Variants in CYP4X1 observed in about 807,000 individuals in gnomAD.
CYP4X1 encodes cytochrome P450 4X1.
A neutral mutation model predicts 57.9 loss-of-function variants in CYP4X1; 44 were observed. The ratio of observed to expected loss-of-function variants is 0.76; its 90% CI spans 0.60 to 0.98. The LOEUF (loss-of-function observed/expected upper bound fraction) is 0.98, where lower values mean the gene tolerates loss of function less well. CYP4X1 is among the 50% of genes least tolerant of loss of function. CYP4X1 has a pLI of 0.00. For missense variants in CYP4X1, 532 were observed against 623.9 expected (o/e 0.85, Z 1.57); for synonymous variants, 227 against 228.6 (o/e 0.99, Z 0.06).
chr1:46,996,133 A>T, the CYP4X1 span, among the ~76,000 whole-genome samples: 2 of 152,210 alleles, frequency 1.3e-5, no homozygotes, highest in Non-Finnish European at 2.9e-5. Context: ...TTCTATCACA[A>T]CAACTCTACG....
chr1:46,966,201 G>T, the CYP4X1 span, among the ~76,000 whole-genome samples: 1 of 152,212 alleles, frequency 6.6e-6, no homozygotes, highest in Non-Finnish European at 1.5e-5. Context: ...CCTGTGAGAT[G>T]CCATGGAAAT....
At chr1:47,019,187 G>A (rs1643971808), upstream of CYP4X1, among the ~76,000 whole-genome samples, 1 of 152,184 alleles carries the variant, frequency 6.6e-6, no homozygotes, top group African/African-American at 2.4e-5. Context: ...GCTGAGTCCT[G>A]AAGACCTTCC....
At chr1:46,969,934 AG>A in the CYP4X1 span, among the ~76,000 whole-genome samples, 2 of 152,240 alleles carry the variant, frequency 1.3e-5, no homozygotes, top group Non-Finnish European at 2.9e-5. Flanking sequence ...TTGTTGGGCA[AG>A]ATAACCAAGT....
chr1:47,011,708 A>G, the CYP4X1 span, among the ~76,000 whole-genome samples: 1 of 152,258 alleles, frequency 6.6e-6, no homozygotes, highest in Non-Finnish European at 1.5e-5. Context: ...AAATAAATTT[A>G]CAAGAAAAAA....
the CYP4X1 span, among the ~76,000 whole-genome samples, chr1:46,979,739 G>A: frequency 6.6e-6 from 1 of 152,210 alleles, no homozygotes; most frequent in Admixed American, 6.5e-5. Flanking sequence ...TAATATACTG[G>A]CAAACCGAAT....
chr1:47,038,553 G>C (rs1208855406), intron 6 of CYP4X1, 107 bp from the exon 7 acceptor site: 15 of 708,242 alleles, frequency 2.1e-5, no homozygotes, highest in South Asian at 7.7e-5. Context: ...CTATTTAAAC[G>C]TCTGGAAATC....
At position 47,024,000 on chromosome 1, in the gene CYP4X1, T is replaced by TGGGAGGGAGGAGGGA. The variant is rs1031154053; in HGVS notation, c.177+9_177+23dup. On this transcript the variant is annotated splice_region_variant and intron_variant, in intron 1 of 11. Coordinates refer to ENST00000371901, the MANE Select transcript of CYP4X1 (RefSeq NM_178033.2). ...GGTTCCTTGGGCACCAGAAGGTAGA[T>TGGGAGGGAGGAGGGA]GGGAGGGAGGAGGGAGGAAGGAGGA... 33 of 1,609,910 alleles carry TGGGAGGGAGGAGGGA rather than the reference T, an allele frequency of 2.0e-5. No individual in the cohort carries two copies. Among genetic ancestry groups the TGGGAGGGAGGAGGGA allele is most frequent in the Non-Finnish European group, 2.6e-5 (31 of 1,178,156 alleles).
At chr1:46,964,966 C>T in the CYP4X1 span, among the ~76,000 whole-genome samples, 10 of 152,294 alleles carry the variant, frequency 6.6e-5, no homozygotes, top group African/African-American at 1.4e-4. Context: ...GCCTCACTGC[C>T]GCCTTGCAGT....
chr1:46,988,951 G>A, the CYP4X1 span, among the ~76,000 whole-genome samples: 1 of 151,982 alleles, frequency 6.6e-6, no homozygotes, highest in Non-Finnish European at 1.5e-5. Context: ...CATACTAAAC[G>A]GGCAAAAGCT....
At chr1:47,042,825 A>T (rs11584372) in intron 8 of CYP4X1, among the ~76,000 whole-genome samples, 103 of 152,140 alleles carry the variant, frequency 6.8e-4, no homozygotes, top group African/African-American at 2.4e-3. Flanking sequence ...TCCATAGTAT[A>T]TACATCCCAC....
the CYP4X1 span, among the ~76,000 whole-genome samples, chr1:46,967,187 C>A: frequency 1.2e-4 from 18 of 152,284 alleles, no homozygotes; most frequent in East Asian, 3.5e-3. Flanking sequence ...GCCTGTAGAG[C>A]AAAGCTCTAG....
At chr1:47,012,560 T>TA in the CYP4X1 span, among the ~76,000 whole-genome samples, 6 of 143,732 alleles carry the variant, frequency 4.2e-5, no homozygotes, top group Middle Eastern at 3.4e-3. Flanking sequence ...AGTATAATAA[T>TA]AAAAAAAACT....
chr1:47,017,853 T>C, the CYP4X1 span, among the ~76,000 whole-genome samples: 1 of 152,188 alleles, frequency 6.6e-6, no homozygotes, highest in Non-Finnish European at 1.5e-5. Context: ...CTCACTAAAA[T>C]GTATAAAACC....
Position 47,023,712 on chromosome 1 carries a change from C to G in CYP4X1, c.-106C>G. 6.8e-7 allele frequency: 1 copy of G among 1,475,058 alleles called. No individual in the cohort carries two copies. The highest frequency in any genetic ancestry group is 1.4e-5 in the South Asian group (1 of 70,824). The allele number at this position is 1,475,058 out of a possible 1,614,324, so 91.4% of individuals were successfully genotyped here. On this transcript the variant is annotated 5_prime_UTR_variant, in exon 1 of 12. Transcript: ENST00000371901. The stretch of plus-strand genomic sequence containing the variant: ...CGCGAGTCAGAAGCTTCGCGAGGGC[C>G]CAGAGAGGCGGTGGGGTGGGCGACC...
chr1:46,961,641 C>A, the CYP4X1 span: 99 of 1,290,012 alleles, frequency 7.7e-5, no homozygotes, highest in Non-Finnish European at 9.5e-5. Flanking sequence ...AAGTTCCCAC[C>A]CTGCTTATCA....
At chr1:47,054,624 A>T (rs1229894740), downstream of CYP4X1, among the ~76,000 whole-genome samples, 6 of 152,124 alleles carry the variant, frequency 3.9e-5, no homozygotes, top group Non-Finnish European at 7.3e-5. Flanking sequence ...CTCCTTGAAG[A>T]GGTCCTTCAC....
chr1:47,031,600 A>C, intron 3 of CYP4X1, 120 bp downstream of exon 3: 9 of 1,066,120 alleles, frequency 8.4e-6, no homozygotes, highest in Non-Finnish European at 1.2e-5. Flanking sequence ...AGGTAGAGCT[A>C]TACTGAACGT....
intron 4 of CYP4X1, among the ~76,000 whole-genome samples, chr1:47,034,468 A>G (rs1644158369): frequency 6.6e-6 from 1 of 152,212 alleles, no homozygotes; most frequent in Admixed American, 6.5e-5. Context: ...ATACACTTTC[A>G]TCATAGACAC....
chr1:47,040,655 AT>A (rs1644235511), intron 8 of CYP4X1, among the ~76,000 whole-genome samples: 1 of 152,086 alleles, frequency 6.6e-6, no homozygotes, highest in South Asian at 2.1e-4. Flanking sequence ...ACTGACAAAA[AT>A]TGTGCATATA....
Sources: allele counts gnomAD v4.1 joint callset (sites outside exome capture counted in the v4.1 genomes callset), GRCh38; gene constraint gnomAD v4.1.1; transcripts MANE v1.5; gene names NCBI Gene and HGNC (gene_info 2026-07-23, HGNC 2026-07-21).